KCNC2: variants seen among roughly 807,000 people sequenced by gnomAD.
KCNC2 encodes the protein voltage-gated potassium channel KCNC2.
In KCNC2, 21 loss-of-function variants were observed where a neutral mutation model predicts 44.5. That is an observed-to-expected ratio of 0.47 (90% CI 0.33 to 0.68). The LOEUF (loss-of-function observed/expected upper bound fraction) is 0.68. KCNC2 is among the 30% of genes least tolerant of loss of function. The pLI, the probability that KCNC2 is intolerant of heterozygous loss-of-function variation, is 0.01. For synonymous variants in KCNC2, 391 were observed against 339.1 expected (o/e 1.15, Z -1.68); for missense variants, 589 against 826.2 (o/e 0.71, Z 3.52).
intron 2 of KCNC2, among the ~76,000 whole-genome samples, chr12:75,081,436 C>G (rs1009246704): frequency 6.8e-6 from 1 of 146,864 alleles, no homozygotes; most frequent in African/African-American, 2.5e-5. Context: ...GCCTTTGATG[C>G]CCTTGTGGCT....
intron 2 of KCNC2, among the ~76,000 whole-genome samples, chr12:75,187,534 A>G (rs959294544): frequency 1.3e-5 from 2 of 152,130 alleles, no homozygotes; most frequent in African/African-American, 4.8e-5. Context: ...TGCGGAGCTT[A>G]CAGTAGCGCA....
intron 2 of KCNC2, among the ~76,000 whole-genome samples, chr12:75,090,203 A>G (rs1186422298): frequency 6.6e-6 from 1 of 151,766 alleles, no homozygotes; most frequent in Non-Finnish European, 1.5e-5. Context: ...AATGTCTTCC[A>G]CATATTCTCC....
intron 2 of KCNC2, among the ~76,000 whole-genome samples, chr12:75,071,980 A>G (rs904262515): frequency 5.4e-5 from 8 of 149,240 alleles, no homozygotes; most frequent in African/African-American, 2.0e-4. Flanking sequence ...AACTCTTCAT[A>G]AAAGCGAGAG....
intron 2 of KCNC2, among the ~76,000 whole-genome samples, chr12:75,052,600 G>A (rs866574244): frequency 2.5e-4 from 38 of 152,062 alleles, no homozygotes; most frequent in African/African-American, 7.0e-4. Flanking sequence ...TCAGTCAAGC[G>A]GAGGGAGGTT....
intron 2 of KCNC2, among the ~76,000 whole-genome samples, chr12:75,145,629 G>C (rs1408342985): frequency 6.6e-6 from 1 of 151,946 alleles, no homozygotes; most frequent in Non-Finnish European, 1.5e-5. Flanking sequence ...TCATATTGAG[G>C]CTAAAACTGG....
chr12:75,084,834 G>A (rs1884859483), intron 2 of KCNC2, among the ~76,000 whole-genome samples: 1 of 151,728 alleles, frequency 6.6e-6, no homozygotes. Context: ...TTGAAGATAT[G>A]TATGCTCTAA....
At chr12:75,124,588 T>G (rs538639409) in intron 2 of KCNC2, among the ~76,000 whole-genome samples, 1 of 152,266 alleles carries the variant, frequency 6.6e-6, no homozygotes, top group African/African-American at 2.4e-5. Flanking sequence ...TTTATATACA[T>G]TAAAGAAGGA....
At chr12:75,171,124 T>C (rs192504075) in intron 2 of KCNC2, among the ~76,000 whole-genome samples, 2 of 151,902 alleles carry the variant, frequency 1.3e-5, no homozygotes, top group Admixed American at 1.3e-4. Context: ...ATCTGACCTC[T>C]AGACTCTTTT....
At chr12:75,088,212 A>C (rs1885186241) in intron 2 of KCNC2, among the ~76,000 whole-genome samples, 1 of 152,098 alleles carries the variant, frequency 6.6e-6, no homozygotes, top group Non-Finnish European at 1.5e-5. Flanking sequence ...GGCATGTAGT[A>C]AAATAGACAG....
intron 2 of KCNC2, among the ~76,000 whole-genome samples, chr12:75,191,973 A>G (rs2030326548): frequency 6.6e-6 from 1 of 152,128 alleles, no homozygotes; most frequent in Admixed American, 6.5e-5. Flanking sequence ...TATTTACATG[A>G]CCGCTATAAT....
intron 2 of KCNC2, among the ~76,000 whole-genome samples, chr12:75,174,159 T>C (rs945126827): frequency 6.6e-6 from 1 of 151,816 alleles, no homozygotes; most frequent in Non-Finnish European, 1.5e-5. Flanking sequence ...ACTGGCTCCT[T>C]AATTTACAAT....
intron 2 of KCNC2, among the ~76,000 whole-genome samples, chr12:75,136,427 C>CACT (rs1333515891): frequency 6.6e-6 from 1 of 151,636 alleles, no homozygotes; most frequent in Non-Finnish European, 1.5e-5. Context: ...ATTGATAGAC[C>CACT]ACTAGCTGGA....
chr12:75,163,020 G>A (rs562747791), intron 2 of KCNC2, among the ~76,000 whole-genome samples: 2 of 151,782 alleles, frequency 1.3e-5, no homozygotes, highest in Admixed American at 1.3e-4. Flanking sequence ...ATCCAGATCT[G>A]TCTCTCCTCG....
chr12:75,113,985 C>T (rs1022733213), intron 2 of KCNC2, among the ~76,000 whole-genome samples: 1 of 152,188 alleles, frequency 6.6e-6, no homozygotes, highest in Non-Finnish European at 1.5e-5. Flanking sequence ...AAGAAACACA[C>T]ATACACATAT....
At chr12:75,137,476 T>C (rs1486291275) in intron 2 of KCNC2, among the ~76,000 whole-genome samples, 2 of 152,110 alleles carry the variant, frequency 1.3e-5, no homozygotes, top group Admixed American at 1.3e-4. Flanking sequence ...CATCAGACCA[T>C]GGAAAACATG....
At chr12:75,119,544 G>A (rs191573602) in intron 2 of KCNC2, among the ~76,000 whole-genome samples, 118 of 152,204 alleles carry the variant, frequency 7.8e-4, no homozygotes, top group Non-Finnish European at 1.3e-3. Flanking sequence ...TAACCATAAC[G>A]GGTGAAGTGG....
intron 2 of KCNC2, among the ~76,000 whole-genome samples, chr12:75,170,729 C>G (rs903191270): frequency 6.9e-6 from 1 of 144,240 alleles, no homozygotes; most frequent in Non-Finnish European, 1.5e-5. Context: ...AGTTCTCAGC[C>G]AAGAGATGTT....
intron 2 of KCNC2, among the ~76,000 whole-genome samples, chr12:75,070,444 TC>T (rs1355532250): frequency 4.1e-5 from 3 of 72,446 alleles, no homozygotes; most frequent in Non-Finnish European, 5.8e-5. Flanking sequence ...AGAACAAAAC[TC>T]CATCTCAAAA....
intron 2 of KCNC2, among the ~76,000 whole-genome samples, chr12:75,138,752 G>A (rs992575132): frequency 1.3e-5 from 2 of 152,024 alleles, no homozygotes; most frequent in African/African-American, 4.8e-5. Flanking sequence ...AGGCCGAGGC[G>A]GTCAGATCAC....
Sources: gnomAD v4.1 joint callset for allele counts (sites outside exome capture counted in the v4.1 genomes callset) on GRCh38, gnomAD v4.1.1 for gene constraint, MANE v1.5 for transcripts, NCBI Gene and HGNC (gene_info 2026-07-23, HGNC 2026-07-21) for gene names.